Variants in TXNDC11 observed in about 807,000 individuals in gnomAD.
The protein encoded by TXNDC11 is thioredoxin domain-containing protein 11.
TXNDC11 carries 68 observed loss-of-function variants against 78.0 expected under a neutral mutation model. The observed-to-expected ratio is 0.87, with a 90% confidence interval of 0.72 to 1.07. The LOEUF is 1.07. Among genes scored for constraint, TXNDC11 ranks in the 50% least tolerant of loss-of-function variants. The pLI is 0.00. For missense variants in TXNDC11, 1,389 were observed against 1,221.8 expected, an observed-to-expected ratio of 1.14 and a Z score of -2.04; for synonymous variants, 571 against 495.2, an observed-to-expected ratio of 1.15 and a Z score of -2.03.
At chr16:11,684,662 G>T (rs1324572930) in intron 10 of TXNDC11, among the ~76,000 whole-genome samples, 1 of 130,588 alleles carries the variant, frequency 7.7e-6, no homozygotes, top group Non-Finnish European at 1.9e-5. Context: ...TGTAAATCTG[G>T]ATAGAGACCA....
intron 1 of TXNDC11, 86 bp downstream of exon 1, chr16:11,742,391 A>G: frequency 8.8e-7 from 1 of 1,142,300 alleles, no homozygotes; most frequent in South Asian, 2.2e-5. Flanking sequence ...TCCCCGGCTG[A>G]GGCCGCTGCG....
At chr16:11,688,493 G>C (rs1221797120) in intron 8 of TXNDC11, 48 bp from the exon 9 acceptor site, 2 of 1,461,074 alleles carry the variant, frequency 1.4e-6, no homozygotes, top group Non-Finnish European at 1.9e-6. Flanking sequence ...GATACAAAGA[G>C]AATAGCTGGC....
chr16:11,690,110 C>G (rs2050668810), intron 8 of TXNDC11: 1 of 152,232 alleles, frequency 6.6e-6, no homozygotes, highest in Admixed American at 6.5e-5. Flanking sequence ...TACTTTAAAA[C>G]TTGAAATGAA....
At position 11,723,785 on chromosome 16, in the gene TXNDC11, C is replaced by A. The variant is rs183687329; in HGVS notation, c.700-2115G>T. On this transcript the variant is annotated intron_variant, in intron 4 of 11. Transcript: ENST00000283033. ...TCTCTTCTTCCCCCTAAAAGATTCC[C>A]GAGCCTTTCCCCATCCCATCTAAAT... is the stretch of plus-strand genomic sequence containing the variant. Among the ~76,000 whole-genome samples, 425 of 152,226 alleles carry A rather than the reference C, an allele frequency of 2.8e-3. 8 individuals carry two copies. The highest frequency in any genetic ancestry group is 2.3e-3 in the Non-Finnish European group (157 of 68,020).
At chr16:11,695,811 T>C (rs1430515539) in intron 7 of TXNDC11, among the ~76,000 whole-genome samples, 1 of 151,982 alleles carries the variant, frequency 6.6e-6, no homozygotes, top group Non-Finnish European at 1.5e-5. Flanking sequence ...GGAAGACCGA[T>C]CGCTTGAGCC....
intron 3 of TXNDC11, among the ~76,000 whole-genome samples, chr16:11,731,309 A>G (rs1171385574): frequency 6.6e-6 from 1 of 152,236 alleles, no homozygotes; most frequent in Non-Finnish European, 1.5e-5. Flanking sequence ...TATTACAACA[A>G]TAACAAATTA....
rs201636891 is a variant in TXNDC11, at chr16:11,688,338, T to C, written c.2008A>G (p.Thr670Ala). 29 of 1,614,000 alleles carry C rather than the reference T, an allele frequency of 1.8e-5. No individual in the cohort carries two copies. The highest frequency in any genetic ancestry group is 1.7e-5 in the Admixed American group (1 of 59,982). ...AGGACTACTTCCCAAAAGGTATCAG[T>C]TGTCACTTCAGTGATTAAATGCTGA... ...PSQHLITEVT[T>A]DTFWEVVLQK... The change falls in exon 9 of 12, where the codon ACT (threonine) becomes GCT (alanine). Residue 670 changes from threonine to alanine, a missense_variant. Thr to Ala is a moderately conservative substitution (Grantham distance 58). Transcript: ENST00000283033.
intron 5 of TXNDC11, among the ~76,000 whole-genome samples, chr16:11,704,940 T>C (rs2051141806): frequency 6.6e-6 from 1 of 152,020 alleles, no homozygotes; most frequent in African/African-American, 2.4e-5. Context: ...GACAGATTCT[T>C]GTTCTGTCGC....
At chr16:11,699,867 G>C (rs1044438951) in intron 6 of TXNDC11, among the ~76,000 whole-genome samples, 1 of 152,246 alleles carries the variant, frequency 6.6e-6, no homozygotes, top group Non-Finnish European at 1.5e-5. Context: ...TAGACGCATA[G>C]GACTGAGCAG....
chr16:11,742,704 G>GCCGCCGCGGCCT lies in TXNDC11; in HGVS notation c.15_26dup (p.Arg7_Gly10dup). 3 of 1,478,682 alleles carry GCCGCCGCGGCCT rather than the reference G, an allele frequency of 2.0e-6. No individual in the cohort carries two copies. The highest frequency in any genetic ancestry group is 2.7e-6 in the Non-Finnish European group (3 of 1,125,088). 91.6% of individuals were successfully genotyped at this position (1,478,682 alleles called of 1,614,324 possible). ...CGGCGTCCTCGCTGCTGCTGCTGCC[G>GCCGCCGCGGCCT]CCGCCGCGGCCTCCGCATTCCGACA... On this transcript the variant is annotated inframe_insertion, in exon 1 of 12. Coordinates refer to ENST00000283033, the MANE Select transcript of TXNDC11 (RefSeq NM_015914.7).
intron 5 of TXNDC11, among the ~76,000 whole-genome samples, chr16:11,718,786 C>G (rs1282147025): frequency 6.6e-6 from 1 of 152,092 alleles, no homozygotes; most frequent in Admixed American, 6.6e-5. Context: ...CAAGCTCCAA[C>G]CAGAATCACA....
At chr16:11,694,255 A>C (rs1286667746) in intron 7 of TXNDC11, among the ~76,000 whole-genome samples, 1 of 151,418 alleles carries the variant, frequency 6.6e-6, no homozygotes, top group Non-Finnish European at 1.5e-5. Flanking sequence ...GATTACAGGC[A>C]TGCATCACGA....
chr16:11,730,214 A>T (rs2052006691), intron 4 of TXNDC11, among the ~76,000 whole-genome samples: 1 of 152,230 alleles, frequency 6.6e-6, no homozygotes, highest in Non-Finnish European at 1.5e-5. Flanking sequence ...TATATACTTC[A>T]TAATATGGAA....
At chr16:11,697,882 C>T (rs2050900894) in intron 7 of TXNDC11, among the ~76,000 whole-genome samples, 1 of 152,224 alleles carries the variant, frequency 6.6e-6, no homozygotes, top group African/African-American at 2.4e-5. Context: ...CTGCCTCTTC[C>T]CACTCACTCC....
At chr16:11,706,592 C>G (rs2051186800) in intron 5 of TXNDC11, among the ~76,000 whole-genome samples, 1 of 152,218 alleles carries the variant, frequency 6.6e-6, no homozygotes, top group South Asian at 2.1e-4. Context: ...TCCTGGTCAT[C>G]TCTTGTGAGT....
At chr16:11,724,759 T>G (rs562663231) in intron 4 of TXNDC11, among the ~76,000 whole-genome samples, 9 of 152,286 alleles carry the variant, frequency 5.9e-5, no homozygotes, top group Admixed American at 4.6e-4. Context: ...TTTTTCTCTT[T>G]TTTGGAGACA....
At chr16:11,698,015 C>T (rs968864013) in intron 7 of TXNDC11, 110 bp downstream of exon 7, 11 of 989,826 alleles carry the variant, frequency 1.1e-5, no homozygotes, top group South Asian at 6.0e-5. Context: ...AGCTGCCCCT[C>T]GTGGCAGCCA....
Position 11,679,234 on chromosome 16 carries a change from T to G in TXNDC11, c.2838A>C (p.Thr946=), listed in dbSNP as rs759020354. The G allele has an allele frequency of 4.3e-6, 7 of 1,613,778 alleles. No homozygotes were observed. In the Admixed American group the frequency reaches 1.2e-4, roughly 27 times the overall value. ...TCTCCTTATTCCTTTCAGACACCAG[T>G]GTGGCGCTGACATTGGCAGGTGGAG... is the stretch of plus-strand genomic sequence containing the variant. ...SSPPPANVSA[T]LVSERNKENR... is the part of the protein sequence containing the mutation. The change falls in exon 12 of 12, where the codon ACA becomes ACC. Residue 946 remains threonine (T), a synonymous_variant. Coordinates refer to ENST00000283033, the MANE Select transcript of TXNDC11 (RefSeq NM_015914.7). The surrounding 1 kb of genome is among the most constrained non-coding windows in gnomAD (Gnocchi z 4.6).
intron 1 of TXNDC11, among the ~76,000 whole-genome samples, chr16:11,740,616 A>T (rs1597509262): frequency 6.6e-6 from 1 of 152,170 alleles, no homozygotes; most frequent in Non-Finnish European, 1.5e-5. Flanking sequence ...ACCTCGCAAC[A>T]CTCTACCTTG....
Sources: gnomAD v4.1 joint callset for allele counts (sites outside exome capture counted in the v4.1 genomes callset) on GRCh38, gnomAD v4.1.1 for gene constraint, Gnocchi (gnomAD v3.1) non-coding constraint, MANE v1.5 for transcripts, NCBI Gene and HGNC (gene_info 2026-07-23, HGNC 2026-07-21) for gene names.